The following GALNTL6 variants were observed in gnomAD, a reference collection of about 807,000 sequenced individuals.
GALNTL6 encodes polypeptide N-acetylgalactosaminyltransferase-like 6.
A neutral mutation model predicts 73.7 loss-of-function variants in GALNTL6; 46 were observed. That is an observed-to-expected ratio of 0.62 (90% CI 0.49 to 0.80). The LOEUF (loss-of-function observed/expected upper bound fraction) is 0.80. Among genes scored for constraint, GALNTL6 ranks in the 30% least tolerant of loss-of-function variants. GALNTL6 has a pLI of 0.00. For synonymous variants in GALNTL6, 259 were observed against 263.7 expected (o/e 0.98, Z 0.17); for missense variants, 604 against 755.0 (o/e 0.80, Z 2.34).
intron 2 of GALNTL6, among the ~76,000 whole-genome samples, chr4:171,984,261 G>T (rs1739999838): frequency 6.6e-6 from 1 of 152,188 alleles, no homozygotes; most frequent in South Asian, 2.1e-4. Flanking sequence ...AATAACAAAG[G>T]AGAGGTCTGG....
intron 8 of GALNTL6, among the ~76,000 whole-genome samples, chr4:172,891,799 T>C (rs1579617779): frequency 6.6e-6 from 1 of 152,238 alleles, no homozygotes; most frequent in African/African-American, 2.4e-5. Context: ...TGTCTCTTTA[T>C]GTAATCCCAT....
In GALNTL6 at chr4:172,184,152, T is replaced by C. The variant is rs1317214751; in HGVS notation, c.139-45504T>C. Among the ~76,000 whole-genome samples the C allele has an allele frequency of 3.7e-4, 56 of 152,138 alleles. 1 individual carries two copies. Among genetic ancestry groups the C allele is most frequent in the Admixed American group, 3.7e-3 (56 of 15,266 alleles). ...TCTTGAAGGATGGAGATTCTGCCCC[T>C]CTCTGAGAAAAGGGCTGATATGTTT... On this transcript the variant is annotated intron_variant, in intron 2 of 12. Coordinates refer to ENST00000506823, the MANE Select transcript of GALNTL6 (RefSeq NM_001034845.3).
intron 5 of GALNTL6, among the ~76,000 whole-genome samples, chr4:172,629,711 C>T (rs1174635829): frequency 6.6e-6 from 1 of 152,068 alleles, no homozygotes; most frequent in Non-Finnish European, 1.5e-5. Flanking sequence ...TTATGATCCC[C>T]ATAGGTATAG....
intron 3 of GALNTL6, among the ~76,000 whole-genome samples, chr4:172,290,534 A>G (rs1036418062): frequency 7.2e-5 from 11 of 152,034 alleles, no homozygotes; most frequent in Admixed American, 1.3e-4. Flanking sequence ...GTGAACCTCC[A>G]TTTCTTCTAA....
At chr4:172,414,764 A>G (rs1561072433) in intron 5 of GALNTL6, among the ~76,000 whole-genome samples, 1 of 152,198 alleles carries the variant, frequency 6.6e-6, no homozygotes. Context: ...CTCAGATTTA[A>G]GTAGGAAGAC....
intron 5 of GALNTL6, among the ~76,000 whole-genome samples, chr4:172,496,492 C>A (rs574682343): frequency 1.1e-4 from 17 of 152,116 alleles, no homozygotes; most frequent in African/African-American, 3.9e-4. Context: ...GAGTTCAACA[C>A]AAACCTGGGC....
chr4:172,932,250 A>G (rs921728405), intron 9 of GALNTL6, among the ~76,000 whole-genome samples: 6 of 152,210 alleles, frequency 3.9e-5, no homozygotes, highest in African/African-American at 1.4e-4. Context: ...TTACCGCTGT[A>G]CTCTCAGAAC....
chr4:172,376,921 G>T (rs1743053435), intron 5 of GALNTL6, among the ~76,000 whole-genome samples: 1 of 152,110 alleles, frequency 6.6e-6, no homozygotes, highest in African/African-American at 2.4e-5. Flanking sequence ...TGGGTTCATG[G>T]TCTCGCTGGC....
intron 8 of GALNTL6, among the ~76,000 whole-genome samples, chr4:172,918,571 A>G (rs1175464368): frequency 6.6e-6 from 1 of 152,102 alleles, no homozygotes; most frequent in Non-Finnish European, 1.5e-5. Context: ...CCTGCATGTT[A>G]TCATATGCCC....
intron 2 of GALNTL6, among the ~76,000 whole-genome samples, chr4:172,102,733 A>G (rs6840554): frequency 0.41 from 61,658 of 151,988 alleles, 13,061 homozygotes; most frequent in African/African-American, 0.5. Flanking sequence ...AACACTAGAG[A>G]AAGTGGTGAT....
chr4:172,008,458 T>C (rs1005501079), intron 2 of GALNTL6, among the ~76,000 whole-genome samples: 3 of 150,312 alleles, frequency 2.0e-5, no homozygotes, highest in African/African-American at 7.6e-5. Flanking sequence ...GCATCAACTT[T>C]CTTTTTTTTT....
At chr4:172,095,989 T>C (rs1270112578) in intron 2 of GALNTL6, among the ~76,000 whole-genome samples, 1 of 152,060 alleles carries the variant, frequency 6.6e-6, no homozygotes, top group Non-Finnish European at 1.5e-5. Flanking sequence ...CTCTTTTCTT[T>C]TCTCTCTTTT....
In GALNTL6 at chr4:172,812,973, C is replaced by T. The variant is rs201053684; in HGVS notation, c.740-567C>T. On this transcript the variant is annotated intron_variant, in intron 6 of 12. Coordinates refer to ENST00000506823, the MANE Select transcript of GALNTL6 (RefSeq NM_001034845.3). Reference sequence around the variant, plus strand: ...TATAGCTTTGATCAACAGAGTTTAGCTTCAAGAACAGTGGCAAAATAGGAC... The same window carrying T: ...TATAGCTTTGATCAACAGAGTTTAGTTTCAAGAACAGTGGCAAAATAGGAC... Among the ~76,000 whole-genome samples the T allele has an allele frequency of 2.6e-5, 4 of 152,130 alleles. No homozygotes were observed. In the East Asian group the frequency reaches 7.7e-4, roughly 29 times the overall value.
At chr4:172,016,806 C>T (rs954512001) in intron 2 of GALNTL6, among the ~76,000 whole-genome samples, 2 of 151,408 alleles carry the variant, frequency 1.3e-5, no homozygotes, top group African/African-American at 4.8e-5. Context: ...TTATTTTAGC[C>T]TAATTTGATT....
At chr4:172,719,490 A>T (rs1342144177) in intron 5 of GALNTL6, among the ~76,000 whole-genome samples, 2 of 152,178 alleles carry the variant, frequency 1.3e-5, no homozygotes, top group African/African-American at 4.8e-5. Context: ...TTAAAAAAAA[A>T]CACTGCTTTC....
chr4:173,024,799 G>A (rs908656617), intron 12 of GALNTL6, among the ~76,000 whole-genome samples: 3 of 152,140 alleles, frequency 2.0e-5, no homozygotes, highest in African/African-American at 7.2e-5. Context: ...CGCTGGTCTC[G>A]AACTCCTGAC....
intron 8 of GALNTL6, among the ~76,000 whole-genome samples, chr4:172,914,595 A>C (rs1370217671): frequency 6.6e-6 from 1 of 152,248 alleles, no homozygotes; most frequent in East Asian, 1.9e-4. Flanking sequence ...CAAGGATTGC[A>C]ATCCTAGTCT....
chr4:172,651,625 C>T (rs1740480973), intron 5 of GALNTL6, among the ~76,000 whole-genome samples: 1 of 152,140 alleles, frequency 6.6e-6, no homozygotes, highest in African/African-American at 2.4e-5. Context: ...TCATATATAA[C>T]AAACCATACA....
chr4:172,472,092 A>C (rs1375807888), intron 5 of GALNTL6, among the ~76,000 whole-genome samples: 1 of 152,230 alleles, frequency 6.6e-6, no homozygotes, highest in East Asian at 1.9e-4. Context: ...TTGCAAATTC[A>C]TAGAAGTTTT....
Sources: gnomAD v4.1 joint callset for allele counts (sites outside exome capture counted in the v4.1 genomes callset) on GRCh38, gnomAD v4.1.1 for gene constraint, MANE v1.5 for transcripts, NCBI Gene and HGNC (gene_info 2026-07-23, HGNC 2026-07-21) for gene names.